Variants in RGSL1 observed in about 807,000 individuals in gnomAD.
RGSL1 encodes regulator of G protein signaling protein-like.
In RGSL1, 97 loss-of-function variants were observed where a neutral mutation model predicts 124.7. That is an observed-to-expected ratio of 0.78 (90% CI 0.66 to 0.92). RGSL1 has a LOEUF of 0.92. Among genes scored for constraint, RGSL1 ranks in the 40% least tolerant of loss-of-function variants. The pLI, the probability that RGSL1 is intolerant of heterozygous loss-of-function variation, is 0.00. For synonymous variants in RGSL1, 424 were observed against 438.1 expected (o/e 0.97, Z 0.40); for missense variants, 1,233 against 1,288.4 (o/e 0.96, Z 0.66).
chr1:182,513,762 G>T (rs377737198), intron 9 of RGSL1, among the ~76,000 whole-genome samples: 1 of 152,140 alleles, frequency 6.6e-6, no homozygotes, highest in South Asian at 2.1e-4. Context: ...CTTACATCAG[G>T]GGCTGCCTGA....
intron 9 of RGSL1, among the ~76,000 whole-genome samples, chr1:182,508,277 TGGTGGTGGTGGTG>T (rs1456868975): frequency 6.4e-5 from 9 of 140,414 alleles, no homozygotes; most frequent in African/African-American, 2.4e-4. Context: ...TGATGGTTGT[TGGTGGTGGTGGTG>T]TTTTTTTTTT....
chr1:182,516,216 G>T (rs1056896609), intron 9 of RGSL1, among the ~76,000 whole-genome samples: 1 of 152,218 alleles, frequency 6.6e-6, no homozygotes, highest in African/African-American at 2.4e-5. Flanking sequence ...CAACATTCAG[G>T]CACAAAAGCA....
At chr1:182,520,809 TTCTG>T (rs1294083408) in intron 9 of RGSL1, among the ~76,000 whole-genome samples, 2 of 152,200 alleles carry the variant, frequency 1.3e-5, no homozygotes, top group African/African-American at 4.8e-5. Flanking sequence ...TTTTAATACT[TTCTG>T]TATGCTTTCT....
At chr1:182,542,403 A>G (rs1354344849) in intron 15 of RGSL1, among the ~76,000 whole-genome samples, 1 of 152,158 alleles carries the variant, frequency 6.6e-6, no homozygotes, top group Non-Finnish European at 1.5e-5. Context: ...TGAATTGTCT[A>G]TTCTGTTCCA....
chr1:182,497,031 A>G (rs1655966488), intron 9 of RGSL1, among the ~76,000 whole-genome samples: 1 of 152,188 alleles, frequency 6.6e-6, no homozygotes, highest in African/African-American at 2.4e-5. Context: ...GATACAATGT[A>G]TATGATACTA....
Position 182,459,986 on chromosome 1 carries a change from A to T in RGSL1, c.172-18A>T. ...GGTTTCACTTAGCATTTTTGTTTCT[A>T]TTTTGCTTTGACTCTAGATTGCCAA... On this transcript the variant is annotated intron_variant, in intron 3 of 21. Transcript: ENST00000294854. 6.5e-7 allele frequency: 1 copy of T among 1,544,384 alleles called. No individual in the cohort carries two copies. The highest frequency in any genetic ancestry group is 1.2e-5 in the South Asian group (1 of 82,584).
At chr1:182,502,506 G>A (rs941340387) in intron 9 of RGSL1, among the ~76,000 whole-genome samples, 1 of 152,160 alleles carries the variant, frequency 6.6e-6, no homozygotes, top group Non-Finnish European at 1.5e-5. Flanking sequence ...AGCCTAGGAA[G>A]CTGAGGCTGC....
chr1:182,448,837 A>C (rs1014600649), upstream of RGSL1, among the ~76,000 whole-genome samples: 11 of 152,118 alleles, frequency 7.2e-5, no homozygotes, highest in African/African-American at 2.2e-4. Flanking sequence ...TTTGGTTGTT[A>C]ATGGCTCCAA....
At chr1:182,459,902 A>G in intron 3 of RGSL1, 102 bp from the exon 4 acceptor site, 3 of 1,378,336 alleles carry the variant, frequency 2.2e-6, no homozygotes, top group Non-Finnish European at 2.9e-6. Context: ...TTCTGGCCAG[A>G]CACTGCAAGT....
chr1:182,528,439 G>A (rs765431000), intron 11 of RGSL1, among the ~76,000 whole-genome samples: 1 of 152,100 alleles, frequency 6.6e-6, no homozygotes, highest in Non-Finnish European at 1.5e-5. Context: ...CAAGTCCAAA[G>A]TCTCATCTGA....
At position 182,511,356 on chromosome 1, in the gene RGSL1, G is replaced by A. The variant is rs149239427; in HGVS notation, c.1826-10648G>A. On this transcript the variant is annotated intron_variant, in intron 9 of 21. Transcript: ENST00000294854. ...ATTTTGTATTTTTAGTAGAGATGGG[G>A]TTTCTCTATGTTGGTCAGGCTGGTC... is the stretch of plus-strand genomic sequence containing the variant. 4.9e-4 allele frequency among the ~76,000 whole-genome samples: 75 copies of A among 152,220 alleles called. No homozygotes were observed. In the East Asian group the frequency reaches 0.014, roughly 28 times the overall value.
chr1:182,464,950 A>G (rs1404004320), intron 4 of RGSL1, among the ~76,000 whole-genome samples: 3 of 151,768 alleles, frequency 2.0e-5, no homozygotes, highest in Non-Finnish European at 4.4e-5. Context: ...AAATCCAGAC[A>G]GGTGTCATGC....
chr1:182,508,231 C>T lies in RGSL1; in HGVS notation c.1826-13773C>T, dbSNP rs113355330. 9.9e-3 allele frequency among the ~76,000 whole-genome samples: 1,464 copies of T among 148,540 alleles called. 18 individuals carry two copies. The highest frequency in any genetic ancestry group is 0.03 in the African/African-American group (1,187 of 40,034). On this transcript the variant is annotated intron_variant, in intron 9 of 21. Transcript: ENST00000294854. The stretch of plus-strand genomic sequence containing the variant: ...TGATAAAAAGCCATTTTAACTAGGA[C>T]GAGATCATATCGCATTGTAATTTTG...
chr1:182,447,975 A>G (rs1486218679), upstream of RGSL1: 2 of 152,046 alleles, frequency 1.3e-5, no homozygotes, highest in Non-Finnish European at 2.9e-5. Flanking sequence ...AATTTAAAAA[A>G]AAAAAAAAAA....
intron 1 of RGSL1, chr1:182,450,381 G>C: frequency 3.2e-6 from 2 of 624,284 alleles, no homozygotes; most frequent in South Asian, 3.9e-5. Flanking sequence ...GATAGTACAG[G>C]GCCTTATTCA....
At chr1:182,549,140 C>A (rs1660409049) in intron 17 of RGSL1, 2 of 234,484 alleles carry the variant, frequency 8.5e-6, no homozygotes, top group Non-Finnish European at 1.7e-5. Flanking sequence ...TAAGAGTGAA[C>A]CACAGCCCCT....
chr1:182,553,789 C>T (rs545279021), intron 19 of RGSL1, among the ~76,000 whole-genome samples: 6 of 152,200 alleles, frequency 3.9e-5, no homozygotes, highest in East Asian at 1.9e-4. Context: ...TTTGTAACCC[C>T]GGGAAGGCAG....
intron 4 of RGSL1, among the ~76,000 whole-genome samples, chr1:182,467,890 G>A (rs920328648): frequency 2.6e-5 from 4 of 152,132 alleles, no homozygotes; most frequent in Non-Finnish European, 5.9e-5. Flanking sequence ...CTAATATCCA[G>A]AATCTACAAT....
chr1:182,471,234 A>T (rs933936579), intron 4 of RGSL1: 3 of 457,146 alleles, frequency 6.6e-6, no homozygotes, highest in South Asian at 3.1e-5. Flanking sequence ...GAGAGGGGTC[A>T]GGGGAAGAGT....
Sources: gnomAD v4.1 joint callset for allele counts (sites outside exome capture counted in the v4.1 genomes callset) on GRCh38, gnomAD v4.1.1 for gene constraint, MANE v1.5 for transcripts, NCBI Gene and HGNC (gene_info 2026-07-23, HGNC 2026-07-21) for gene names.